The following ZNF721 variants were observed in gnomAD, a reference collection of about 807,000 sequenced individuals.
ZNF721 encodes the protein zinc finger protein 721.
In ZNF721, 2 loss-of-function variants were observed where a neutral mutation model predicts 2.4. That is an observed-to-expected ratio of 0.82 (90% confidence interval 0.34 to 2.58). The LOEUF is 2.58. ZNF721 is among the 30% of genes most tolerant of loss of function. The pLI, the probability that ZNF721 is intolerant of heterozygous loss-of-function variation, is 0.11. For synonymous variants in ZNF721, 398 were observed against 381.8 expected (o/e 1.04, Z -0.50); for missense variants, 1,187 against 1,085.5 (o/e 1.09, Z -1.31).
chr4:480,552 C>CT (rs138148896), intron 1 of ZNF721, among the ~76,000 whole-genome samples: 6,619 of 152,218 alleles, frequency 0.043, 204 homozygotes, highest in African/African-American at 0.089. Flanking sequence ...TTAACTGCCC[C>CT]TTTTACTCTC....
chr4:444,999 T>C (rs1336283004), intron 2 of ZNF721, among the ~76,000 whole-genome samples: 2 of 148,656 alleles, frequency 1.3e-5, no homozygotes, highest in Non-Finnish European at 3.0e-5. Flanking sequence ...TTTTTTTTTT[T>C]TTTGAGATGG....
chr4:485,845 C>T (rs1189971055), intron 1 of ZNF721, among the ~76,000 whole-genome samples: 1 of 152,090 alleles, frequency 6.6e-6, no homozygotes, highest in African/African-American at 2.4e-5. Flanking sequence ...CGTGCTGGTG[C>T]GTGCCTATAG....
At chr4:494,893 AT>A (rs34855684) in intron 1 of ZNF721, among the ~76,000 whole-genome samples, 100 of 139,350 alleles carry the variant, frequency 7.2e-4, no homozygotes, top group African/African-American at 2.2e-3. Context: ...CAGTGCACTT[AT>A]TTTTTTTTTT....
chr4:464,875 C>A (rs1277156779), intron 2 of ZNF721, among the ~76,000 whole-genome samples: 2 of 150,342 alleles, frequency 1.3e-5, no homozygotes, highest in East Asian at 3.9e-4. Context: ...GTCAGGAGAT[C>A]GAAACCATCA....
At chr4:474,250 A>C in intron 1 of ZNF721, 1 of 360,324 alleles carries the variant, frequency 2.8e-6, no homozygotes, top group Non-Finnish European at 5.4e-6. Flanking sequence ...TCCAGGCTTC[A>C]CGCCCTCAGG....
chr4:441,819 T>C lies in ZNF721; in HGVS notation c.2648A>G (p.His883Arg), dbSNP rs782475086. ...TFRQSANLYA[H>R]KKIHTGEKPY... ...TTTCTCTCCAGTATGAATTTTCTTATGCGCATAAAGATTTGCAGACTGTCT... is the reference window on the plus strand; with the variant it reads ...TTTCTCTCCAGTATGAATTTTCTTACGCGCATAAAGATTTGCAGACTGTCT... Residue 883 changes from histidine to arginine, a missense_variant, in exon 3 of 3, where the codon CAT becomes CGT. His to Arg is a conservative substitution (Grantham distance 29). Transcript: ENST00000511833. The C allele has an allele frequency of 2.5e-6, 4 of 1,614,034 alleles. No individual in the cohort carries two copies. The South Asian group carries it at 3.3e-5, about 13-fold the overall frequency.
chr4:491,231 G>C (rs1229271027), intron 1 of ZNF721, among the ~76,000 whole-genome samples: 1 of 151,908 alleles, frequency 6.6e-6, no homozygotes, highest in East Asian at 1.9e-4. Context: ...TTCGAGACCA[G>C]CCTGGCCAAC....
intron 1 of ZNF721, among the ~76,000 whole-genome samples, chr4:474,806 G>A (rs782718844): frequency 2.9e-4 from 44 of 151,910 alleles, no homozygotes; most frequent in Non-Finnish European, 5.0e-4. Flanking sequence ...AACCTGGGGG[G>A]TGGAGGTTGC....
chr4:482,339 A>T (rs1273320382), intron 1 of ZNF721, among the ~76,000 whole-genome samples: 2 of 151,690 alleles, frequency 1.3e-5, no homozygotes, highest in African/African-American at 4.8e-5. Flanking sequence ...AATTTTTTGT[A>T]TTTTTAGTAG....
chr4:456,665 G>A (rs1553865468), intron 2 of ZNF721, among the ~76,000 whole-genome samples: 1 of 152,156 alleles, frequency 6.6e-6, no homozygotes, highest in East Asian at 1.9e-4. Context: ...CGGATCATGA[G>A]GTCAAGAGAT....
intron 2 of ZNF721, among the ~76,000 whole-genome samples, chr4:445,374 T>A (rs113467926): frequency 0.034 from 5,223 of 152,206 alleles, 302 homozygotes; most frequent in African/African-American, 0.12. Context: ...TTCCAACATG[T>A]ATGACAGGTT....
intron 2 of ZNF721, among the ~76,000 whole-genome samples, chr4:447,473 G>A (rs978303097): frequency 6.6e-6 from 1 of 151,838 alleles, no homozygotes; most frequent in Admixed American, 6.6e-5. Context: ...AGACACTAAG[G>A]AAGACAGAAA....
At chr4:497,196 T>G (rs1226173922) in intron 1 of ZNF721, among the ~76,000 whole-genome samples, 1 of 151,726 alleles carries the variant, frequency 6.6e-6, no homozygotes, top group Non-Finnish European at 1.5e-5. Flanking sequence ...CCTTCCTTGA[T>G]GAAGCGAGTG....
chr4:482,033 G>A (rs1715783692), intron 1 of ZNF721, among the ~76,000 whole-genome samples: 2 of 152,202 alleles, frequency 1.3e-5, no homozygotes, highest in Non-Finnish European at 2.9e-5. Context: ...AAATTTATGT[G>A]CACTTGGTGT....
intron 2 of ZNF721, among the ~76,000 whole-genome samples, chr4:467,794 T>C (rs1715297886): frequency 6.6e-6 from 1 of 152,106 alleles, no homozygotes. Context: ...GTAGTCACAG[T>C]CCGTGGCCAC....
chr4:496,707 CTTTTTT>C (rs781947891), intron 1 of ZNF721, among the ~76,000 whole-genome samples: 27 of 83,884 alleles, frequency 3.2e-4, no homozygotes, highest in African/African-American at 8.4e-4. Context: ...TACATGACTT[CTTTTTT>C]TTTTTTTTTT....
chr4:473,679 C>T (rs1553868119), intron 1 of ZNF721, among the ~76,000 whole-genome samples: 1 of 152,210 alleles, frequency 6.6e-6, no homozygotes. Flanking sequence ...CACAGCTCCT[C>T]CTACGCGGTA....
intron 1 of ZNF721, among the ~76,000 whole-genome samples, chr4:480,730 C>T (rs1476916327): frequency 1.3e-5 from 2 of 149,996 alleles, no homozygotes; most frequent in African/African-American, 2.5e-5. Flanking sequence ...AATTTGCTTT[C>T]GGAAGGTAGA....
At chr4:489,831 T>C (rs1715978928) in intron 1 of ZNF721, among the ~76,000 whole-genome samples, 1 of 152,202 alleles carries the variant, frequency 6.6e-6, no homozygotes, top group Non-Finnish European at 1.5e-5. Flanking sequence ...GATCACGTAT[T>C]AAAACAATAA....
Sources: gnomAD v4.1 joint callset for allele counts (sites outside exome capture counted in the v4.1 genomes callset) on GRCh38, gnomAD v4.1.1 for gene constraint, MANE v1.5 for transcripts, NCBI Gene and HGNC (gene_info 2026-07-23, HGNC 2026-07-21) for gene names.